The following ERBIN variants were observed in gnomAD, a reference collection of about 807,000 sequenced individuals.
The protein encoded by ERBIN is erbb2 interacting protein, also known as densin-180-like protein.
Under a neutral mutation model 158.4 loss-of-function variants are expected in ERBIN, and 60 were observed. That is an observed-to-expected ratio of 0.38 (90% CI 0.31 to 0.47). The LOEUF (loss-of-function observed/expected upper bound fraction) is 0.47. Among genes scored for constraint, ERBIN ranks in the 20% least tolerant of loss-of-function variants. The probability of loss-of-function intolerance (pLI) is 0.99; values close to 1 mark genes in which losing one functional copy is unlikely to be tolerated. For synonymous variants in ERBIN, 594 were observed against 557.2 expected (o/e 1.07, Z -0.93); for missense variants, 1,610 against 1,648.0 (o/e 0.98, Z 0.40).
At chr5:65,946,233 G>A (rs1350320616) in intron 1 of ERBIN, among the ~76,000 whole-genome samples, 1 of 152,044 alleles carries the variant, frequency 6.6e-6, no homozygotes, top group Admixed American at 6.6e-5. Flanking sequence ...GTGTGGTGGT[G>A]TGTGCCTGTA....
chr5:65,926,968 T>C (rs1194942591), intron 1 of ERBIN, among the ~76,000 whole-genome samples, 162 bp downstream of exon 1: 1 of 152,020 alleles, frequency 6.6e-6, no homozygotes. Context: ...ATAATCGAAC[T>C]GCACCCCACC....
chr5:66,036,413 A>G (rs1022408165), intron 14 of ERBIN, among the ~76,000 whole-genome samples: 15 of 152,080 alleles, frequency 9.9e-5, no homozygotes, highest in Non-Finnish European at 1.8e-4. Context: ...ATTTCTCTAA[A>G]TCAGTTCTGC....
rs187295143 is a variant in ERBIN, at chr5:65,970,610, C to T, written c.-57-18025C>T. 1.3e-3 allele frequency among the ~76,000 whole-genome samples: 200 copies of T among 152,262 alleles called. 1 individual carries two copies. Among genetic ancestry groups the T allele is most frequent in the Non-Finnish European group, 1.4e-3 (96 of 68,018 alleles). ...GTAACTTTTTATATTCTTTTTAAGACGTGCTCTTGCTCTTTTGCTCAGAGT... is the reference window on the plus strand; with the variant it reads ...GTAACTTTTTATATTCTTTTTAAGATGTGCTCTTGCTCTTTTGCTCAGAGT... On this transcript the variant is annotated intron_variant, in intron 1 of 25. Coordinates refer to ENST00000284037, the MANE Select transcript of ERBIN (RefSeq NM_001253697.2).
chr5:66,021,827 T>C (rs1167498139), intron 8 of ERBIN, among the ~76,000 whole-genome samples: 2 of 152,090 alleles, frequency 1.3e-5, no homozygotes, highest in African/African-American at 2.4e-5. Flanking sequence ...ACAACTGTTA[T>C]TTTTGAAGTG....
chr5:65,935,987 A>G (rs1744033748), intron 1 of ERBIN, among the ~76,000 whole-genome samples: 2 of 152,282 alleles, frequency 1.3e-5, no homozygotes, highest in South Asian at 2.1e-4. Flanking sequence ...CGAACCTCCC[A>G]AAGTACTGGG....
intron 21 of ERBIN, among the ~76,000 whole-genome samples, chr5:66,064,091 A>G (rs1420946087): frequency 6.6e-6 from 1 of 152,234 alleles, no homozygotes; most frequent in African/African-American, 2.4e-5. Context: ...CATTTCTAAA[A>G]TGTTTTCATT....
At chr5:66,024,619 C>T (rs1436763076) in intron 10 of ERBIN, among the ~76,000 whole-genome samples, 169 bp downstream of exon 10, 2 of 152,060 alleles carry the variant, frequency 1.3e-5, no homozygotes, top group African/African-American at 4.8e-5. Flanking sequence ...CCTTTGTTGA[C>T]ATTACTGTTT....
At chr5:65,949,348 G>A (rs1002925159) in intron 1 of ERBIN, among the ~76,000 whole-genome samples, 2 of 152,210 alleles carry the variant, frequency 1.3e-5, no homozygotes, top group East Asian at 1.9e-4. Context: ...AAAATACTGA[G>A]TCCCAGTCCC....
At position 65,995,267 on chromosome 5, in the gene ERBIN, T is replaced by A. The variant is rs145636701; in HGVS notation, c.307+403T>A. ...GAAATCTTATACCCTTTGAACAACA[T>A]ATTCCAATCCTCCATCCCTGCTTCC... On this transcript the variant is annotated intron_variant, in intron 4 of 25. Transcript: ENST00000284037. Among the ~76,000 whole-genome samples the A allele has an allele frequency of 6.3e-3, 965 of 152,260 alleles. 16 individuals are homozygous for A. The highest frequency in any genetic ancestry group is 0.022 in the African/African-American group (926 of 41,550).
intron 14 of ERBIN, among the ~76,000 whole-genome samples, chr5:66,033,601 G>T (rs1371043905): frequency 9.2e-5 from 14 of 152,134 alleles, no homozygotes; most frequent in Non-Finnish European, 1.9e-4. Flanking sequence ...AATTATAGAG[G>T]TATATGGCAA....
At chr5:66,070,403 A>G (rs1171440160) in intron 21 of ERBIN, among the ~76,000 whole-genome samples, 2 of 152,196 alleles carry the variant, frequency 1.3e-5, no homozygotes, top group South Asian at 2.1e-4. Context: ...TCTCATTCCA[A>G]GAGTCCCTGG....
intron 7 of ERBIN, among the ~76,000 whole-genome samples, chr5:66,015,626 A>G (rs1256426772): frequency 6.6e-6 from 1 of 152,280 alleles, no homozygotes; most frequent in East Asian, 1.9e-4. Context: ...CGCATCATCA[A>G]GATTTGCCCA....
chr5:66,031,660 G>A (rs1003388463), intron 14 of ERBIN, among the ~76,000 whole-genome samples: 9 of 152,078 alleles, frequency 5.9e-5, no homozygotes, highest in Admixed American at 3.9e-4. Flanking sequence ...GCAAGATTCC[G>A]TCTCTGCAAA....
At chr5:66,040,399 G>A (rs1757808184) in intron 15 of ERBIN, among the ~76,000 whole-genome samples, 1 of 151,644 alleles carries the variant, frequency 6.6e-6, no homozygotes, top group Admixed American at 6.6e-5. Flanking sequence ...TCACAATTCA[G>A]GTAAAACATT....
chr5:66,081,374 C>A lies in ERBIN; in HGVS notation c.*2844C>A, dbSNP rs1226605991. 1.3e-5 allele frequency: 2 copies of A among 151,922 alleles called. No homozygotes were observed. Among genetic ancestry groups the A allele is most frequent in the African/African-American group, 4.8e-5 (2 of 41,412 alleles). 9.4% of individuals were successfully genotyped at this position (151,922 alleles called of 1,614,324 possible). Reference sequence around the variant, plus strand: ...AAGATATATATATATACACTTAATTCTTTTAAACACAAAACTTGCCATAAG... The same window carrying A: ...AAGATATATATATATACACTTAATTATTTTAAACACAAAACTTGCCATAAG... On this transcript the variant is annotated 3_prime_UTR_variant, in exon 26 of 26. Transcript: ENST00000284037.
At chr5:65,955,460 T>G (rs1412240388) in intron 1 of ERBIN, among the ~76,000 whole-genome samples, 1 of 152,120 alleles carries the variant, frequency 6.6e-6, no homozygotes, top group Admixed American at 6.5e-5. Flanking sequence ...TGAAACCCCA[T>G]CTTTACTAAA....
chr5:66,034,526 A>G (rs546072526), intron 14 of ERBIN, among the ~76,000 whole-genome samples: 8 of 151,642 alleles, frequency 5.3e-5, no homozygotes, highest in Non-Finnish European at 1.2e-4. Flanking sequence ...ACTTCATGTG[A>G]TCCACCCACC....
intron 10 of ERBIN, 81 bp downstream of exon 10, chr5:66,024,531 T>C: frequency 7.2e-7 from 1 of 1,380,070 alleles, no homozygotes; most frequent in African/African-American, 1.5e-5. Context: ...TCACTTGTTA[T>C]GAGGTAGTTA....
At chr5:65,945,949 A>C (rs947185327) in intron 1 of ERBIN, among the ~76,000 whole-genome samples, 2 of 152,252 alleles carry the variant, frequency 1.3e-5, no homozygotes, top group African/African-American at 4.8e-5. Context: ...GATACAGAAT[A>C]GTTCCATCAT....
Sources: gnomAD v4.1 joint callset for allele counts (sites outside exome capture counted in the v4.1 genomes callset) on GRCh38, gnomAD v4.1.1 for gene constraint, MANE v1.5 for transcripts, NCBI Gene and HGNC (gene_info 2026-07-23, HGNC 2026-07-21) for gene names.